PPP1R9A: variants seen among roughly 807,000 people sequenced by gnomAD.
PPP1R9A encodes the protein protein phosphatase 1 regulatory subunit 9A.
In PPP1R9A, 59 loss-of-function variants were observed where a neutral mutation model predicts 141.9. That is an observed-to-expected ratio of 0.42 (90% CI 0.34 to 0.52). The LOEUF (loss-of-function observed/expected upper bound fraction) is 0.52. PPP1R9A is among the 20% of genes least tolerant of loss of function. The pLI is 0.10. For missense variants in PPP1R9A, 1,444 were observed against 1,611.9 expected, an observed-to-expected ratio of 0.90 and a Z score of 1.78; for synonymous variants, 500 against 569.7, an observed-to-expected ratio of 0.88 and a Z score of 1.74.
At chr7:95,003,936 A>G (rs1305323527) in intron 2 of PPP1R9A, among the ~76,000 whole-genome samples, 1 of 152,188 alleles carries the variant, frequency 6.6e-6, no homozygotes, top group African/African-American at 2.4e-5. Flanking sequence ...ATTCTAAAAG[A>G]TCAAGGTAGG....
At chr7:95,283,882 A>AGT in intron 16 of PPP1R9A, 136 bp from the exon 17 acceptor site, 1 of 716,086 alleles carries the variant, frequency 1.4e-6, no homozygotes, top group Non-Finnish European at 2.2e-6. Flanking sequence ...TGTAGTCAAA[A>AGT]GTGCAAACTT....
intron 2 of PPP1R9A, among the ~76,000 whole-genome samples, chr7:94,924,345 T>G (rs966916327): frequency 2.0e-5 from 3 of 152,206 alleles, no homozygotes; most frequent in African/African-American, 7.2e-5. Context: ...TCTTGCTGGC[T>G]CCTTCTCTGT....
chr7:95,222,575 A>G (rs887318827), intron 7 of PPP1R9A, among the ~76,000 whole-genome samples: 2 of 152,042 alleles, frequency 1.3e-5, no homozygotes, highest in African/African-American at 4.8e-5. Flanking sequence ...AAAATTTACT[A>G]TCTCTGTCAG....
chr7:95,005,081 G>A (rs1803415858), intron 2 of PPP1R9A, among the ~76,000 whole-genome samples: 1 of 152,298 alleles, frequency 6.6e-6, no homozygotes, highest in Admixed American at 6.5e-5. Context: ...TTGGTTGGGT[G>A]CCAGGCTGCT....
At chr7:94,964,769 A>G (rs769291466) in intron 2 of PPP1R9A, among the ~76,000 whole-genome samples, 3 of 152,184 alleles carry the variant, frequency 2.0e-5, no homozygotes, top group Non-Finnish European at 4.4e-5. Context: ...AGTCTTTGCT[A>G]TTGTGAACAT....
At chr7:95,049,594 A>G (rs892884808) in intron 2 of PPP1R9A, among the ~76,000 whole-genome samples, 17 of 152,084 alleles carry the variant, frequency 1.1e-4, no homozygotes, top group African/African-American at 3.6e-4. Flanking sequence ...TGTATTTTTC[A>G]TGGGTTTTGA....
intron 16 of PPP1R9A, among the ~76,000 whole-genome samples, chr7:95,283,615 G>C (rs1804696935): frequency 6.6e-6 from 1 of 152,152 alleles, no homozygotes; most frequent in Non-Finnish European, 1.5e-5. Context: ...CACAAGTCCA[G>C]AGGAAGACAG....
At chr7:95,002,574 C>T (rs930035012) in intron 2 of PPP1R9A, among the ~76,000 whole-genome samples, 3 of 151,982 alleles carry the variant, frequency 2.0e-5, no homozygotes, top group Non-Finnish European at 4.4e-5. Flanking sequence ...AGCTTGGAAC[C>T]CAGAGTTAAA....
intron 2 of PPP1R9A, among the ~76,000 whole-genome samples, chr7:95,108,264 A>ATTTTCT (rs113612674): frequency 1.8e-5 from 2 of 112,088 alleles, no homozygotes; most frequent in Admixed American, 9.5e-5. Flanking sequence ...GTATTACATT[A>ATTTTCT]TTTTCTTTTT....
At chr7:95,263,671 A>G (rs854517) in intron 12 of PPP1R9A, among the ~76,000 whole-genome samples, 56,512 of 151,934 alleles carry the variant, frequency 0.37, 11,117 homozygotes, top group Middle Eastern at 0.5. Flanking sequence ...CGGCCTCCCA[A>G]AGTGCTGAGA....
chr7:95,083,445 G>A lies in PPP1R9A; in HGVS notation c.1396-27814G>A, dbSNP rs551377416. Among the ~76,000 whole-genome samples, 96 of 152,082 alleles carry A rather than the reference G, an allele frequency of 6.3e-4. 1 individual carries two copies. Among genetic ancestry groups the A allele is most frequent in the Middle Eastern group, 3.4e-3 (1 of 294 alleles). ...CTTATGGCCTGTTTCAGGGAGGAAT[G>A]TGAGGAGGGGAAGGTTCAAGTGGCC... On this transcript the variant is annotated intron_variant, in intron 2 of 19. Coordinates refer to ENST00000433360, the MANE Select transcript of PPP1R9A (RefSeq NM_001166160.2).
chr7:95,183,448 CTTT>C (rs766642929), intron 5 of PPP1R9A, among the ~76,000 whole-genome samples: 4 of 103,028 alleles, frequency 3.9e-5, no homozygotes, highest in Non-Finnish European at 5.6e-5. Context: ...CAAAAATATT[CTTT>C]TTTTTTTTTT....
chr7:95,192,452 T>C (rs1835645720), intron 5 of PPP1R9A, among the ~76,000 whole-genome samples: 1 of 152,086 alleles, frequency 6.6e-6, no homozygotes, highest in Admixed American at 6.6e-5. Context: ...GAAAAGATGA[T>C]ACATGATCTA....
intron 4 of PPP1R9A, among the ~76,000 whole-genome samples, chr7:95,128,607 G>GTTT (rs1824003917): frequency 6.6e-6 from 1 of 151,920 alleles, no homozygotes; most frequent in Non-Finnish European, 1.5e-5. Context: ...ATGGAGTTTC[G>GTTT]CTTTTGTTGC....
At chr7:95,127,291 G>C (rs1823725627) in intron 4 of PPP1R9A, among the ~76,000 whole-genome samples, 1 of 151,924 alleles carries the variant, frequency 6.6e-6, no homozygotes, top group Non-Finnish European at 1.5e-5. Flanking sequence ...TAATCAAATA[G>C]CATGAAGCTT....
intron 2 of PPP1R9A, among the ~76,000 whole-genome samples, chr7:94,966,419 T>C (rs1798223685): frequency 6.6e-6 from 1 of 152,152 alleles, no homozygotes; most frequent in South Asian, 2.1e-4. Flanking sequence ...ATGCTTCCAA[T>C]TTTTGGCCAT....
chr7:95,058,725 C>T (rs1455316953), intron 2 of PPP1R9A, among the ~76,000 whole-genome samples: 5 of 151,664 alleles, frequency 3.3e-5, no homozygotes, highest in Admixed American at 2.0e-4. Context: ...GGAGTGGGAT[C>T]GGGGGTGGAG....
At chr7:95,278,038 A>G (rs890860138) in intron 16 of PPP1R9A, among the ~76,000 whole-genome samples, 2 of 152,214 alleles carry the variant, frequency 1.3e-5, no homozygotes, top group African/African-American at 2.4e-5. Context: ...GCAGTCTTCT[A>G]TGGAAATGAA....
At chr7:94,920,397 A>G (rs1792639841) in intron 2 of PPP1R9A, among the ~76,000 whole-genome samples, 2 of 151,816 alleles carry the variant, frequency 1.3e-5, no homozygotes, top group Non-Finnish European at 2.9e-5. Flanking sequence ...CCCGGTTTTC[A>G]GCCTAACTTA....
Sources: gnomAD v4.1 joint callset for allele counts (sites outside exome capture counted in the v4.1 genomes callset) on GRCh38, gnomAD v4.1.1 for gene constraint, MANE v1.5 for transcripts, NCBI Gene and HGNC (gene_info 2026-07-23, HGNC 2026-07-21) for gene names.